SCP2: variants seen among roughly 807,000 people sequenced by gnomAD.
The protein encoded by SCP2 is sterol carrier protein 2, also known as SCP-2/3-oxoacyl-CoA thiolase.
Under a neutral mutation model 71.4 loss-of-function variants are expected in SCP2, and 48 were observed. That is an observed-to-expected ratio of 0.67 (90% confidence interval 0.53 to 0.86). The LOEUF (loss-of-function observed/expected upper bound fraction) is 0.86. SCP2 is among the 40% of genes least tolerant of loss of function. SCP2 has a pLI of 0.00. For missense variants in SCP2, 560 were observed against 655.6 expected (o/e 0.85, Z 1.59); for synonymous variants, 220 against 218.1 (o/e 1.01, Z -0.08).
intron 12 of SCP2, among the ~76,000 whole-genome samples, chr1:53,017,033 CTTTAA>C (rs1308202438): frequency 6.6e-6 from 1 of 152,122 alleles, no homozygotes; most frequent in African/African-American, 2.4e-5. Flanking sequence ...CACAATTAAA[CTTTAA>C]TTTAGACCAG....
intron 9 of SCP2, among the ~76,000 whole-genome samples, chr1:52,979,472 A>C (rs1476739045): frequency 6.6e-6 from 1 of 151,994 alleles, no homozygotes; most frequent in Non-Finnish European, 1.5e-5. Flanking sequence ...TACAGGCATG[A>C]GCCACCACGC....
At chr1:52,984,840 CTTCT>C (rs202013657) in intron 10 of SCP2, among the ~76,000 whole-genome samples, 16,228 of 121,484 alleles carry the variant, frequency 0.13, 1,623 homozygotes, top group African/African-American at 0.36. Context: ...CCCAGCTTTT[CTTCT>C]TTTTTTTTTT....
At chr1:52,934,770 G>A in intron 1 of SCP2, among the ~76,000 whole-genome samples, 1 of 148,638 alleles carries the variant, frequency 6.7e-6, no homozygotes, top group African/African-American at 2.4e-5. Flanking sequence ...CTGCCAACAC[G>A]CCCGGCTAAT....
rs202037485 is a variant in SCP2, at chr1:53,022,038, GT to G, written c.1236-5926del. Among the ~76,000 whole-genome samples the G allele has an allele frequency of 7.9e-3, 1,203 of 152,278 alleles. 5 individuals are homozygous for G. The highest frequency in any genetic ancestry group is 0.012 in the African/African-American group (512 of 41,556). ...ACGCATTTTAAGTGTACGTTCAGTG[GT>G]TTTTAGCATATCACAAAGTTGTGCA... On this transcript the variant is annotated intron_variant, in intron 12 of 15. Transcript: ENST00000371514.
At chr1:52,974,584 T>G (rs566002969) in intron 6 of SCP2, among the ~76,000 whole-genome samples, 185 bp from the exon 7 acceptor site, 2 of 152,334 alleles carry the variant, frequency 1.3e-5, no homozygotes, top group African/African-American at 4.8e-5. Context: ...GTTCGTTAAT[T>G]AGGCCCACAT....
At chr1:53,030,586 G>A (rs1662465308) in intron 13 of SCP2, among the ~76,000 whole-genome samples, 1 of 151,840 alleles carries the variant, frequency 6.6e-6, no homozygotes, top group Non-Finnish European at 1.5e-5. Flanking sequence ...ATACTATGTT[G>A]GCTGGTTTTT....
intron 1 of SCP2, among the ~76,000 whole-genome samples, chr1:52,931,475 T>C (rs1653144788): frequency 6.6e-6 from 1 of 152,220 alleles, no homozygotes; most frequent in African/African-American, 2.4e-5. Context: ...TCTAGAATCA[T>C]CTGAGCTGTT....
chr1:52,936,586 A>C (rs1175282661), intron 1 of SCP2, among the ~76,000 whole-genome samples: 1 of 152,244 alleles, frequency 6.6e-6, no homozygotes, highest in Non-Finnish European at 1.5e-5. Context: ...TGTAGGTCAA[A>C]TGCTTTGGTT....
intron 1 of SCP2, among the ~76,000 whole-genome samples, chr1:52,934,641 C>T (rs1204517095): frequency 6.4e-5 from 5 of 78,430 alleles, no homozygotes; most frequent in Non-Finnish European, 1.1e-4. Flanking sequence ...GAGACGGAGT[C>T]TCTCTCTGTC....
Position 52,983,353 on chromosome 1 carries a change from A to G in SCP2, c.973+2810A>G, listed in dbSNP as rs76238495. On this transcript the variant is annotated intron_variant, in intron 10 of 15. Coordinates refer to ENST00000371514, the MANE Select transcript of SCP2 (RefSeq NM_002979.5). ...TGAGTTTCTTAAGTCTGAAAATGCA[A>G]AACTTTTACCAAATTTGGCAAGTTT... Among the ~76,000 whole-genome samples the G allele has an allele frequency of 2.0e-3, 305 of 152,276 alleles. 2 individuals carry two copies. Among genetic ancestry groups the G allele is most frequent in the African/African-American group, 6.9e-3 (285 of 41,550 alleles).
rs989282100 is a variant in SCP2 at position 53,051,519 on chromosome 1, C to G, written c.*815C>G. The G allele has an allele frequency of 2.0e-5, 3 of 151,974 alleles. No individual in the cohort carries two copies. Among genetic ancestry groups the G allele is most frequent in the Non-Finnish European group, 4.4e-5 (3 of 68,006 alleles). 9.4% of individuals were successfully genotyped at this position (151,974 alleles called of 1,614,324 possible). A position where few individuals can be genotyped will look rare whatever the true frequency, so the allele number is the denominator to read the frequency against. ...ATCTTTTTTCCTAGTTTTTCTAATA[C>G]TAATGTTATTTCTTAAAATTCAGTG... On this transcript the variant is annotated 3_prime_UTR_variant, in exon 16 of 16. Coordinates refer to ENST00000371514, the MANE Select transcript of SCP2 (RefSeq NM_002979.5).
In SCP2 at chr1:52,933,946, A is replaced by G. The variant is rs75295131; in HGVS notation, c.69+6481A>G. Reference sequence around the variant, plus strand: ...CACTGGCACCAAACTAGTAGTCACTATATTTGTCATGCACTTATGCATTCA... The same window carrying G: ...CACTGGCACCAAACTAGTAGTCACTGTATTTGTCATGCACTTATGCATTCA... On this transcript the variant is annotated intron_variant, in intron 1 of 15. Transcript: ENST00000371514. 3.5e-3 allele frequency among the ~76,000 whole-genome samples: 536 copies of G among 152,358 alleles called. 3 individuals are homozygous for G. The highest frequency in any genetic ancestry group is 0.012 in the African/African-American group (513 of 41,592).
chr1:52,931,185 G>A (rs1653118508), intron 1 of SCP2, among the ~76,000 whole-genome samples: 2 of 152,118 alleles, frequency 1.3e-5, no homozygotes, highest in South Asian at 4.1e-4. Context: ...GAAGATTTTT[G>A]GAAGATTCTG....
At chr1:52,986,973 A>AT (rs1250277880) in intron 10 of SCP2, among the ~76,000 whole-genome samples, 1 of 120,060 alleles carries the variant, frequency 8.3e-6, no homozygotes, top group Non-Finnish European at 1.8e-5. Context: ...GCTTTTTGTA[A>AT]TTTTTTTCTT....
intron 10 of SCP2, among the ~76,000 whole-genome samples, chr1:52,985,552 G>A (rs990035599): frequency 1.3e-5 from 2 of 152,092 alleles, no homozygotes; most frequent in Admixed American, 1.3e-4. Context: ...CTTCTGCCTT[G>A]TCTCTCCAGA....
intron 4 of SCP2, among the ~76,000 whole-genome samples, chr1:52,952,368 C>T (rs1378752499): frequency 6.6e-6 from 1 of 151,904 alleles, no homozygotes; most frequent in African/African-American, 2.4e-5. Flanking sequence ...AATAGATGGA[C>T]TGTATTTTAA....
intron 6 of SCP2, among the ~76,000 whole-genome samples, chr1:52,963,229 A>C (rs978880373): frequency 6.6e-6 from 1 of 152,058 alleles, no homozygotes; most frequent in Non-Finnish European, 1.5e-5. Context: ...TCATATATTT[A>C]TCATATGTGA....
intron 14 of SCP2, among the ~76,000 whole-genome samples, chr1:53,041,721 A>T (rs1449362992): frequency 6.6e-6 from 1 of 152,126 alleles, no homozygotes; most frequent in Non-Finnish European, 1.5e-5. Context: ...AGGTAATGGG[A>T]CCTGGGAATT....
chr1:52,950,787 C>A lies in SCP2; in HGVS notation c.232C>A (p.His78Asn), dbSNP rs371605573. The A allele has an allele frequency of 6.2e-7, 1 of 1,613,642 alleles. No homozygotes were observed. The highest frequency in any genetic ancestry group is 8.5e-7 in the Non-Finnish European group (1 of 1,179,656). The change falls in exon 4 of 16, where the codon CAC (histidine) becomes AAC (asparagine). Residue 78 changes from histidine (H) to asparagine (N), a missense_variant. His to Asn is a moderately conservative substitution (Grantham distance 68). Around this residue, in one of 3 missense-constraint regions of SCP2, gnomAD observed 513 missense variants for 573.1 expected, o/e 0.90. Transcript: ENST00000371514. ...DSTCGQRAIY[H>N]SLGMTGIPII... Reference sequence around the variant, plus strand: ...TACCTGTGGGCAGAGGGCTATCTATCACAGTTTGGGAATGACTGGAATTCC... The same window carrying A: ...TACCTGTGGGCAGAGGGCTATCTATAACAGTTTGGGAATGACTGGAATTCC...
Sources: gnomAD v4.1 joint callset for allele counts (sites outside exome capture counted in the v4.1 genomes callset) on GRCh38, gnomAD v4.1.1 for gene constraint, gnomAD v4.1.1 regional missense constraint, MANE v1.5 for transcripts, NCBI Gene and HGNC (gene_info 2026-07-23, HGNC 2026-07-21) for gene names.